Variants in AK8 observed in about 807,000 individuals in gnomAD.
The protein encoded by AK8 is adenylate kinase 8.
AK8 carries 44 observed loss-of-function variants against 54.6 expected under a neutral mutation model. That is an observed-to-expected ratio of 0.81 (90% CI 0.63 to 1.04). AK8 has a LOEUF of 1.04. Among genes scored for constraint, AK8 ranks in the 50% least tolerant of loss-of-function variants. The probability of loss-of-function intolerance (pLI) is 0.00; values close to 1 mark genes in which losing one functional copy is unlikely to be tolerated. For missense variants in AK8, 555 were observed against 613.6 expected, an observed-to-expected ratio of 0.90 and a Z score of 1.01; for synonymous variants, 239 against 245.6, an observed-to-expected ratio of 0.97 and a Z score of 0.25.
At position 132,822,660 on chromosome 9, in the gene AK8, C is replaced by T. The variant is rs1258956911; in HGVS notation, c.889+545G>A. Among the ~76,000 whole-genome samples, 3 of 152,078 alleles carry T rather than the reference C, an allele frequency of 2.0e-5. No individual in the cohort carries two copies. The East Asian group carries it at 5.8e-4, about 29-fold the overall frequency. ...GGCATCCAAGACCGCCTGGGACCAC[C>T]CCGGGAAAGACCTGGAGAGCTGATT... On this transcript the variant is annotated intron_variant, in intron 9 of 12. Coordinates refer to ENST00000298545, the MANE Select transcript of AK8 (RefSeq NM_152572.3).
At chr9:132,814,532 G>T in intron 10 of AK8, 106 bp downstream of exon 10, 1 of 1,120,866 alleles carries the variant, frequency 8.9e-7, no homozygotes, top group Non-Finnish European at 1.3e-6. Flanking sequence ...CCATTTCCCG[G>T]CTGTTCTCCC....
In AK8 at chr9:132,863,691, C is replaced by T; in HGVS notation, c.307G>A (p.Ala103Thr). ...LNEFSYTATE[A>T]RRLYLQRKTV... ...TTCCTTTGCAGATAAAGCCTTCTGGCTTCGGTGGCCGTATAGGAAAACTCA... is the reference window on the plus strand; with the variant it reads ...TTCCTTTGCAGATAAAGCCTTCTGGTTTCGGTGGCCGTATAGGAAAACTCA... Residue 103 changes from alanine (A) to threonine (T), a missense_variant, in exon 4 of 13, where the codon GCC (alanine) becomes ACC (threonine). By Grantham distance (58) the Ala-to-Thr change is moderately conservative. Transcript: ENST00000298545. 1 of 1,613,890 alleles carries T rather than the reference C, an allele frequency of 6.2e-7. No homozygotes were observed. The highest frequency in any genetic ancestry group is 2.2e-5 in the East Asian group (1 of 44,886).
chr9:132,787,374 A>G (rs114615064), intron 11 of AK8, among the ~76,000 whole-genome samples: 3,728 of 152,274 alleles, frequency 0.024, 151 homozygotes, highest in African/African-American at 0.085. Context: ...AGAGCCTACA[A>G]ACTTCCACAG....
At chr9:132,801,409 C>T (rs1186909806) in intron 10 of AK8, among the ~76,000 whole-genome samples, 1 of 152,190 alleles carries the variant, frequency 6.6e-6, no homozygotes, top group Non-Finnish European at 1.5e-5. Context: ...ATTTTTACAT[C>T]TTTCAATGGA....
In AK8 at chr9:132,785,421, G is replaced by T. The variant is rs181904135; in HGVS notation, c.1121+7213C>A. The stretch of plus-strand genomic sequence containing the variant: ...CCAACCGACATCTTTCATATGAAGG[G>T]GTCAAGATATTCTGCTGCATTTCAA... On this transcript the variant is annotated intron_variant, in intron 11 of 12. Transcript: ENST00000298545. Among the ~76,000 whole-genome samples, 475 of 152,156 alleles carry T rather than the reference G, an allele frequency of 3.1e-3. 4 individuals are homozygous for T. Among genetic ancestry groups the T allele is most frequent in the Non-Finnish European group, 4.4e-3 (297 of 67,998 alleles).
Position 132,736,683 on chromosome 9 carries a change from G to T in AK8, c.1122-9149C>A, listed in dbSNP as rs374081994. On this transcript the variant is annotated intron_variant, in intron 11 of 12. Transcript: ENST00000298545. ...GCCCGTAGTCCCAGCTACTCCGGAG[G>T]CTGAAGCAGGAGAATGGCGTGAACC... Among the ~76,000 whole-genome samples, 32 of 151,156 alleles carry T rather than the reference G, an allele frequency of 2.1e-4. No individual in the cohort carries two copies. In the South Asian group the frequency reaches 6.3e-3, roughly 30 times the overall value.
chr9:132,749,574 C>T (rs562592443), intron 11 of AK8, among the ~76,000 whole-genome samples: 5 of 152,038 alleles, frequency 3.3e-5, no homozygotes, highest in African/African-American at 7.2e-5. Context: ...GCCCCGATAT[C>T]GGCTGGTGAG....
chr9:132,846,373 C>T (rs1009886795), intron 5 of AK8, among the ~76,000 whole-genome samples: 2 of 152,210 alleles, frequency 1.3e-5, no homozygotes, highest in African/African-American at 4.8e-5. Flanking sequence ...GACTCCTTTG[C>T]TTATTTATCT....
chr9:132,854,973 C>T, intron 4 of AK8, 48 bp from the exon 5 acceptor site: 3 of 1,596,754 alleles, frequency 1.9e-6, no homozygotes, highest in Non-Finnish European at 2.6e-6. Flanking sequence ...CTGCTTCCTG[C>T]AGCTCAGGAC....
chr9:132,746,213 C>T, intron 11 of AK8, among the ~76,000 whole-genome samples: 1 of 152,332 alleles, frequency 6.6e-6, no homozygotes, highest in East Asian at 1.9e-4. Flanking sequence ...GAGCCAAGCA[C>T]ATGCATGCAC....
chr9:132,800,934 T>G (rs1840422042), intron 10 of AK8, among the ~76,000 whole-genome samples: 1 of 150,910 alleles, frequency 6.6e-6, no homozygotes, highest in Non-Finnish European at 1.5e-5. Flanking sequence ...TTTTTTTTTT[T>G]TTTTTGAGAC....
chr9:132,827,095 G>C lies in AK8; in HGVS notation c.557-41C>G, dbSNP rs201824378. On this transcript the variant is annotated intron_variant, in intron 7 of 12. Transcript: ENST00000298545. ...TGCACAGTTAGAAATGGCCATGCAG[G>C]GGCCCTGTGGGCGCTGCTGTGCCTG... is the stretch of plus-strand genomic sequence containing the variant. 7.4e-5 allele frequency: 118 copies of C among 1,589,020 alleles called. No homozygotes were observed. In the African/African-American group the frequency reaches 1.3e-3, roughly 18 times the overall value.
intron 11 of AK8, among the ~76,000 whole-genome samples, chr9:132,745,564 C>T (rs142342253): frequency 3.7e-4 from 56 of 152,192 alleles, no homozygotes; most frequent in Non-Finnish European, 7.4e-4. Context: ...AGCATGCGAT[C>T]GCCTTTTGTT....
chr9:132,758,437 CTTTT>C (rs1321834242), intron 11 of AK8, among the ~76,000 whole-genome samples: 13 of 151,424 alleles, frequency 8.6e-5, no homozygotes, highest in Middle Eastern at 3.4e-3. Context: ...TTTCCATTTT[CTTTT>C]TTTTTGTTTG....
In AK8 at chr9:132,791,080, A is replaced by G. The variant is rs149600181; in HGVS notation, c.1121+1554T>C. ...GTATTAGTCCGTTTCACACTGCTAT[A>G]AACAACTACTTGAGACTGGGTAATT... On this transcript the variant is annotated intron_variant, in intron 11 of 12. Coordinates refer to ENST00000298545, the MANE Select transcript of AK8 (RefSeq NM_152572.3). This position sits in a 1 kb window ranked among gnomAD's most constrained non-coding sequence, Gnocchi z 4.0. 6.6e-6 allele frequency among the ~76,000 whole-genome samples: 1 copy of G among 152,354 alleles called. No individual in the cohort carries two copies. The highest frequency in any genetic ancestry group is 1.9e-4 in the East Asian group (1 of 5,194).
At chr9:132,771,938 C>T (rs139495103) in intron 11 of AK8, among the ~76,000 whole-genome samples, 35 of 152,286 alleles carry the variant, frequency 2.3e-4, no homozygotes, top group African/African-American at 7.7e-4. Flanking sequence ...CAAGTCACAT[C>T]TTATATGGAT....
intron 11 of AK8, among the ~76,000 whole-genome samples, chr9:132,738,508 C>T (rs1254811138): frequency 6.6e-6 from 1 of 152,058 alleles, no homozygotes. Context: ...TCCTTTATAG[C>T]TCAGGGTAAA....
intron 11 of AK8, among the ~76,000 whole-genome samples, chr9:132,764,863 GC>G (rs151058452): frequency 0.021 from 3,135 of 152,118 alleles, 107 homozygotes; most frequent in African/African-American, 0.072. Context: ...ATTCTATGAG[GC>G]CAGCATTACT....
At chr9:132,874,614 C>T (rs1844005838) in intron 2 of AK8, among the ~76,000 whole-genome samples, 1 of 152,210 alleles carries the variant, frequency 6.6e-6, no homozygotes, top group Admixed American at 6.5e-5. Flanking sequence ...TTGGGTCAGG[C>T]TGACCTGCAC....
Sources: gnomAD v4.1 joint callset for allele counts (sites outside exome capture counted in the v4.1 genomes callset) on GRCh38, gnomAD v4.1.1 for gene constraint, Gnocchi (gnomAD v3.1) non-coding constraint, MANE v1.5 for transcripts, NCBI Gene and HGNC (gene_info 2026-07-23, HGNC 2026-07-21) for gene names.